The following NFIA variants were observed in gnomAD, a reference collection of about 807,000 sequenced individuals.
NFIA encodes the protein nuclear factor I A.
Under a neutral mutation model 62.8 loss-of-function variants are expected in NFIA, and 8 were observed. That is an observed-to-expected ratio of 0.13 (90% CI 0.07 to 0.23). The LOEUF (loss-of-function observed/expected upper bound fraction) is 0.23, where lower values mean the gene tolerates loss of function less well. Among genes scored for constraint, NFIA ranks in the 10% least tolerant of loss-of-function variants. NFIA has a pLI of 1.00. For synonymous variants in NFIA, 235 were observed against 238.1 expected (o/e 0.99, Z 0.12); for missense variants, 410 against 642.1 (o/e 0.64, Z 3.91).
intron 6 of NFIA, among the ~76,000 whole-genome samples, chr1:61,381,230 T>C (rs1310337675): frequency 6.6e-6 from 1 of 152,212 alleles, no homozygotes; most frequent in Non-Finnish European, 1.5e-5. Flanking sequence ...TGGCAGCCTA[T>C]AAATTGGTCT....
At chr1:61,109,971 T>G (rs1468692595) in intron 2 of NFIA, among the ~76,000 whole-genome samples, 3 of 152,064 alleles carry the variant, frequency 2.0e-5, no homozygotes, top group African/African-American at 7.2e-5. Flanking sequence ...ATTGTATCTT[T>G]TAAGTATAAT....
chr1:61,371,235 T>C (rs1376405418), intron 6 of NFIA, among the ~76,000 whole-genome samples: 1 of 152,164 alleles, frequency 6.6e-6, no homozygotes, highest in Non-Finnish European at 1.5e-5. Context: ...TTAAAAGTAG[T>C]ATGGGATGCT....
chr1:61,139,549 G>C (rs1337383598), intron 2 of NFIA, among the ~76,000 whole-genome samples: 2 of 152,142 alleles, frequency 1.3e-5, no homozygotes, highest in Non-Finnish European at 2.9e-5. Flanking sequence ...AGCTAGTCTG[G>C]GGAGTTAGTA....
intron 2 of NFIA, among the ~76,000 whole-genome samples, chr1:61,267,021 A>G (rs1265210066): frequency 6.6e-6 from 1 of 152,174 alleles, no homozygotes; most frequent in Non-Finnish European, 1.5e-5. Context: ...AAGCTAATAT[A>G]AATAGCCAAG....
chr1:61,398,173 G>A (rs1007544103), intron 7 of NFIA, among the ~76,000 whole-genome samples: 7 of 152,202 alleles, frequency 4.6e-5, no homozygotes, highest in Non-Finnish European at 7.3e-5. Context: ...TAATGTCTGT[G>A]ACTGCTTCTG....
chr1:61,373,802 T>TAAA (rs11389337), intron 6 of NFIA, among the ~76,000 whole-genome samples: 1 of 147,400 alleles, frequency 6.8e-6, no homozygotes, highest in African/African-American at 2.5e-5. Flanking sequence ...TTTTGGAAGT[T>TAAA]AAAAAAAAAA....
intron 6 of NFIA, among the ~76,000 whole-genome samples, chr1:61,370,302 T>C (rs1441162109): frequency 1.3e-5 from 2 of 152,210 alleles, no homozygotes; most frequent in Non-Finnish European, 2.9e-5. Flanking sequence ...AATTACATCC[T>C]GGAAGATTAC....
rs891448079 is a variant in NFIA at position 61,461,923 on chromosome 1, C to T, written c.*6603C>T. 1.3e-5 allele frequency: 2 copies of T among 150,780 alleles called. No individual in the cohort carries two copies. The highest frequency in any genetic ancestry group is 4.9e-5 in the African/African-American group (2 of 40,950). 9.3% of individuals were successfully genotyped at this position (150,780 alleles called of 1,614,324 possible). A position where few individuals can be genotyped will look rare whatever the true frequency, so the allele number is the denominator to read the frequency against. ...CCTGCTGTTTTTATACTCAACTTCT[C>T]AAAATGAAAAAAGCTTTTATTTTTC... On this transcript the variant is annotated 3_prime_UTR_variant, in exon 11 of 11. Coordinates refer to ENST00000403491, the MANE Select transcript of NFIA (RefSeq NM_001134673.4).
intron 2 of NFIA, among the ~76,000 whole-genome samples, chr1:61,209,868 A>G (rs1424228799): frequency 3.9e-5 from 6 of 152,164 alleles, no homozygotes; most frequent in Non-Finnish European, 5.9e-5. Context: ...AAAAATTAAA[A>G]AGTAATATGG....
intron 2 of NFIA, among the ~76,000 whole-genome samples, chr1:61,141,521 G>T (rs1647534209): frequency 6.6e-6 from 1 of 152,174 alleles, no homozygotes; most frequent in African/African-American, 2.4e-5. Flanking sequence ...AGGCAATACT[G>T]TTAAACTTGA....
intron 10 of NFIA, among the ~76,000 whole-genome samples, chr1:61,431,220 G>T (rs1404891723): frequency 6.6e-6 from 1 of 152,116 alleles, no homozygotes; most frequent in Non-Finnish European, 1.5e-5. Flanking sequence ...TTAAGAGGAG[G>T]CGTTTACTTA....
intron 2 of NFIA, among the ~76,000 whole-genome samples, chr1:61,275,090 A>C (rs1475667328): frequency 6.6e-6 from 1 of 152,218 alleles, no homozygotes; most frequent in Non-Finnish European, 1.5e-5. Context: ...GAATAAAACT[A>C]GAAAAATTAA....
intron 2 of NFIA, among the ~76,000 whole-genome samples, chr1:61,161,973 A>G (rs1282811745): frequency 2.0e-5 from 3 of 152,184 alleles, no homozygotes; most frequent in Non-Finnish European, 4.4e-5. Context: ...AATGTAAGCA[A>G]TTTTGTAAAT....
intron 2 of NFIA, among the ~76,000 whole-genome samples, chr1:61,191,176 A>G (rs915805192): frequency 1.5e-4 from 23 of 152,176 alleles, no homozygotes; most frequent in Non-Finnish European, 3.2e-4. Flanking sequence ...TGTTAGACCA[A>G]ACCATTAAGA....
chr1:61,408,573 A>G (rs1212047631), intron 9 of NFIA, among the ~76,000 whole-genome samples: 1 of 152,178 alleles, frequency 6.6e-6, no homozygotes, highest in Non-Finnish European at 1.5e-5. Flanking sequence ...TAAAAGCTGC[A>G]TAGTAATATG....
chr1:61,115,937 G>A (rs967432795), intron 2 of NFIA, among the ~76,000 whole-genome samples: 2 of 151,610 alleles, frequency 1.3e-5, no homozygotes, highest in East Asian at 1.9e-4. Context: ...AGTTCTCCCT[G>A]TTCTTTTTCT....
At chr1:61,246,365 T>TA (rs1655650989) in intron 2 of NFIA, among the ~76,000 whole-genome samples, 1 of 152,210 alleles carries the variant, frequency 6.6e-6, no homozygotes, top group African/African-American at 2.4e-5. Flanking sequence ...AAAGTAACGT[T>TA]ATCTTGGATT....
chr1:61,373,937 G>A (rs1318450295), intron 6 of NFIA, among the ~76,000 whole-genome samples: 1 of 152,164 alleles, frequency 6.6e-6, no homozygotes, highest in Admixed American at 6.6e-5. Flanking sequence ...ATTTTCTGCA[G>A]TGATAGAGAT....
intron 2 of NFIA, among the ~76,000 whole-genome samples, chr1:61,202,110 C>T (rs1044789077): frequency 2.6e-5 from 4 of 152,108 alleles, no homozygotes; most frequent in Non-Finnish European, 5.9e-5. Flanking sequence ...AGGATAGGTG[C>T]CAATGGTAAC....
Sources: gnomAD v4.1 joint callset for allele counts (sites outside exome capture counted in the v4.1 genomes callset) on GRCh38, gnomAD v4.1.1 for gene constraint, MANE v1.5 for transcripts, NCBI Gene and HGNC (gene_info 2026-07-23, HGNC 2026-07-21) for gene names.